PINX1: variants seen among roughly 807,000 people sequenced by gnomAD.
PINX1 encodes PIN2 (TERF1) interacting telomerase inhibitor 1, also known as PIN2/TERF1-interacting telomerase inhibitor 1.
In PINX1, 34 loss-of-function variants were observed where a neutral mutation model predicts 25.4. That is an observed-to-expected ratio of 1.34 (90% CI 1.02 to 1.78). The LOEUF is 1.78. PINX1 is among the 40% of genes most tolerant of loss of function. The probability of loss-of-function intolerance (pLI) is 0.00; values close to 1 mark genes in which losing one functional copy is unlikely to be tolerated. For missense variants in PINX1, 592 were observed against 404.9 expected (o/e 1.46, Z -3.97); for synonymous variants, 197 against 147.7 (o/e 1.33, Z -2.42).
At chr8:10,821,046 G>C (rs1037711677) in intron 5 of PINX1, among the ~76,000 whole-genome samples, 3 of 152,184 alleles carry the variant, frequency 2.0e-5, no homozygotes, top group African/African-American at 7.2e-5. Context: ...GTGAGCAGTA[G>C]GCCAAATCTA....
rs117489960 is a variant in PINX1, at chr8:10,815,788, G to C, written c.471+4405C>G. Among the ~76,000 whole-genome samples, 7 of 152,302 alleles carry C rather than the reference G, an allele frequency of 4.6e-5. No individual in the cohort carries two copies. The East Asian group carries it at 1.3e-3, about 29-fold the overall frequency. ...ATACCCCTGAAGTTATTAAGTAAAT[G>C]ATTTAACCAATTGGAGTGAACTTTA... On this transcript the variant is annotated intron_variant, in intron 6 of 6. Transcript: ENST00000314787.
chr8:10,799,520 T>C (rs1019363950), intron 6 of PINX1, among the ~76,000 whole-genome samples: 1 of 152,202 alleles, frequency 6.6e-6, no homozygotes, highest in Non-Finnish European at 1.5e-5. Flanking sequence ...CCAACACACC[T>C]GCTTGGCTTA....
chr8:10,812,768 C>T (rs891968835), intron 6 of PINX1, among the ~76,000 whole-genome samples: 1 of 152,244 alleles, frequency 6.6e-6, no homozygotes, highest in African/African-American at 2.4e-5. Flanking sequence ...GGAACACAAG[C>T]TACAAGTCTG....
chr8:10,798,016 G>A (rs1243007435), intron 6 of PINX1, among the ~76,000 whole-genome samples: 2 of 152,154 alleles, frequency 1.3e-5, no homozygotes, highest in African/African-American at 4.8e-5. Flanking sequence ...AAATAATGAA[G>A]TACTGAACTG....
At chr8:10,835,364 A>C (rs1313335945) in intron 1 of PINX1, among the ~76,000 whole-genome samples, 1 of 152,168 alleles carries the variant, frequency 6.6e-6, no homozygotes, top group Non-Finnish European at 1.5e-5. Flanking sequence ...GAACATCCCC[A>C]AGCAAAAACC....
At chr8:10,803,752 CA>C (rs1802345297) in intron 6 of PINX1, among the ~76,000 whole-genome samples, 1 of 152,150 alleles carries the variant, frequency 6.6e-6, no homozygotes, top group Non-Finnish European at 1.5e-5. Context: ...AAGGCTGAAC[CA>C]TAAATAGTAG....
At chr8:10,834,871 G>T in intron 1 of PINX1, 96 bp from the exon 2 acceptor site, 1 of 786,532 alleles carries the variant, frequency 1.3e-6, no homozygotes, top group Non-Finnish European at 2.1e-6. Flanking sequence ...TTTTATGTAT[G>T]TATGTAAAAT....
intron 6 of PINX1, among the ~76,000 whole-genome samples, chr8:10,781,639 T>C (rs911108452): frequency 1.3e-5 from 2 of 152,116 alleles, no homozygotes; most frequent in South Asian, 4.1e-4. Flanking sequence ...TCATGAGATA[T>C]CATCCCACAC....
At chr8:10,815,670 C>A (rs1189543853) in intron 6 of PINX1, among the ~76,000 whole-genome samples, 1 of 152,160 alleles carries the variant, frequency 6.6e-6, no homozygotes, top group Non-Finnish European at 1.5e-5. Context: ...TGAGATACTG[C>A]CAACACCATG....
intron 6 of PINX1, among the ~76,000 whole-genome samples, chr8:10,817,863 C>A (rs987032926): frequency 6.6e-6 from 1 of 152,202 alleles, no homozygotes; most frequent in Non-Finnish European, 1.5e-5. Flanking sequence ...GGCAGGCTAT[C>A]CCCGTGTTCT....
intron 6 of PINX1, among the ~76,000 whole-genome samples, chr8:10,772,205 C>G (rs1018914942): frequency 2.0e-5 from 3 of 152,246 alleles, no homozygotes; most frequent in Non-Finnish European, 2.9e-5. Context: ...ATTTGGAGAA[C>G]AGCAGTGGGA....
At chr8:10,789,471 T>C (rs992130127) in intron 6 of PINX1, among the ~76,000 whole-genome samples, 3 of 152,172 alleles carry the variant, frequency 2.0e-5, no homozygotes, top group African/African-American at 7.2e-5. Context: ...AAATTTCGAG[T>C]ACACAGTGTG....
At position 10,765,377 on chromosome 8, in the gene PINX1, C is replaced by A; in HGVS notation, c.*24G>T. On this transcript the variant is annotated 3_prime_UTR_variant, in exon 7 of 7. Transcript: ENST00000314787. Reference sequence around the variant, plus strand: ...CGCAGTGCCCTGACAGCTGAGTGGTCGGAAGGCCCCGGCTGGGAAGGATTC... The same window carrying A: ...CGCAGTGCCCTGACAGCTGAGTGGTAGGAAGGCCCCGGCTGGGAAGGATTC... 1.3e-6 allele frequency: 2 copies of A among 1,557,452 alleles called. No homozygotes were observed. Among genetic ancestry groups the A allele is most frequent in the South Asian group, 2.5e-5 (2 of 81,484 alleles).
intron 6 of PINX1, among the ~76,000 whole-genome samples, chr8:10,800,800 C>T (rs1175380346): frequency 6.6e-6 from 1 of 152,190 alleles, no homozygotes; most frequent in African/African-American, 2.4e-5. Context: ...TAATGTTACA[C>T]TAGCCCCAAA....
intron 5 of PINX1, among the ~76,000 whole-genome samples, chr8:10,821,086 A>G (rs537427884): frequency 6.6e-6 from 1 of 152,338 alleles, no homozygotes; most frequent in East Asian, 1.9e-4. Context: ...TGGTAAATGC[A>G]TTTTAAAATG....
chr8:10,834,886 C>T, intron 1 of PINX1, 111 bp from the exon 2 acceptor site: 1 of 688,304 alleles, frequency 1.5e-6, no homozygotes, highest in Middle Eastern at 2.4e-4. Flanking sequence ...TAAAATATGA[C>T]ATACATTACA....
intron 6 of PINX1, among the ~76,000 whole-genome samples, chr8:10,804,751 G>GA (rs1195847411): frequency 6.7e-6 from 1 of 148,984 alleles, no homozygotes; most frequent in Admixed American, 6.7e-5. Flanking sequence ...AATGTCAAAA[G>GA]AAAAAAAAAG....
chr8:10,831,828 T>G, intron 3 of PINX1, 85 bp from the exon 4 acceptor site: 1 of 749,578 alleles, frequency 1.3e-6, no homozygotes, highest in Non-Finnish European at 2.3e-6. Flanking sequence ...ATCAAGGAAA[T>G]CCAGTGGTTA....
intron 6 of PINX1, among the ~76,000 whole-genome samples, chr8:10,809,983 A>G (rs188361128): frequency 2.0e-5 from 3 of 152,326 alleles, no homozygotes; most frequent in Admixed American, 6.5e-5. Context: ...GAAGCTTCCA[A>G]TCATGGTGGA....
Sources: allele counts gnomAD v4.1 joint callset (sites outside exome capture counted in the v4.1 genomes callset), GRCh38; gene constraint gnomAD v4.1.1; transcripts MANE v1.5; gene names NCBI Gene and HGNC (gene_info 2026-07-23, HGNC 2026-07-21).